TRAPPC12: variants seen among roughly 807,000 people sequenced by gnomAD.
The protein encoded by TRAPPC12 is TPR repeat protein 15.
A neutral mutation model predicts 69.2 loss-of-function variants in TRAPPC12; 61 were observed. The ratio of observed to expected loss-of-function variants is 0.88; its 90% CI spans 0.72 to 1.09. The LOEUF (loss-of-function observed/expected upper bound fraction) is 1.09. TRAPPC12 is among the 50% of genes least tolerant of loss of function. The pLI is 0.00. For missense variants in TRAPPC12, 1,101 were observed against 1,016.4 expected (o/e 1.08, Z -1.13); for synonymous variants, 469 against 438.9 (o/e 1.07, Z -0.86).
intron 1 of TRAPPC12, among the ~76,000 whole-genome samples, chr2:3,381,804 C>G (rs1660223685): frequency 6.6e-6 from 1 of 152,212 alleles, no homozygotes; most frequent in South Asian, 2.1e-4. Context: ...CCATCACCTT[C>G]CACCCCTCCC....
At chr2:3,399,665 A>G (rs1478859876) in intron 2 of TRAPPC12, among the ~76,000 whole-genome samples, 2 of 152,258 alleles carry the variant, frequency 1.3e-5, no homozygotes, top group African/African-American at 4.8e-5. Context: ...CAGAGAAGCA[A>G]TGTCAGCAGC....
chr2:3,466,486 C>A, intron 9 of TRAPPC12: 1 of 436,550 alleles, frequency 2.3e-6, no homozygotes, highest in South Asian at 1.7e-5. Context: ...TAAGTGATAT[C>A]CAGCTACAGG....
chr2:3,450,283 C>T (rs1419919321), intron 6 of TRAPPC12, among the ~76,000 whole-genome samples: 1 of 152,232 alleles, frequency 6.6e-6, no homozygotes, highest in African/African-American at 2.4e-5. Flanking sequence ...ATTCTTAAAT[C>T]GTGCATTCTT....
chr2:3,426,827 G>T (rs1218435394), intron 5 of TRAPPC12, among the ~76,000 whole-genome samples: 1 of 152,242 alleles, frequency 6.6e-6, no homozygotes, highest in African/African-American at 2.4e-5. Flanking sequence ...TCCGCACGTA[G>T]GTGGTTCCCA....
intron 5 of TRAPPC12, among the ~76,000 whole-genome samples, chr2:3,441,866 C>A (rs1223115841): frequency 6.6e-6 from 1 of 152,182 alleles, no homozygotes; most frequent in East Asian, 1.9e-4. Flanking sequence ...CTGCATCCCA[C>A]AAATTTTGAT....
In TRAPPC12 at chr2:3,479,495, G is replaced by A. The variant is rs1666455288; in HGVS notation, c.*34G>A. On this transcript the variant is annotated 3_prime_UTR_variant, in exon 12 of 12. Coordinates refer to ENST00000324266, the MANE Select transcript of TRAPPC12 (RefSeq NM_016030.6). Reference sequence around the variant, plus strand: ...AACACACTACGTCAGAAGGACCCGGGTCTTTGAAACTGTGTCTTGAAGCTA... The same window carrying A: ...AACACACTACGTCAGAAGGACCCGGATCTTTGAAACTGTGTCTTGAAGCTA... 1.2e-6 allele frequency: 2 copies of A among 1,607,414 alleles called. No homozygotes were observed. Among genetic ancestry groups the A allele is most frequent in the African/African-American group, 2.7e-5 (2 of 74,722 alleles).
chr2:3,459,089 T>C (rs1427768954), intron 7 of TRAPPC12, among the ~76,000 whole-genome samples: 1 of 152,226 alleles, frequency 6.6e-6, no homozygotes, highest in Non-Finnish European at 1.5e-5. Flanking sequence ...TTCTAGGTGA[T>C]TGTTATCTCA....
chr2:3,387,574 G>T, intron 1 of TRAPPC12, 46 bp from the exon 2 acceptor site: 1 of 1,408,564 alleles, frequency 7.1e-7, no homozygotes, highest in Non-Finnish European at 9.5e-7. Context: ...CGGTTGAGGT[G>T]AATGAAGATC....
chr2:3,463,499 G>A (rs538027411), intron 8 of TRAPPC12, among the ~76,000 whole-genome samples: 66 of 143,474 alleles, frequency 4.6e-4, no homozygotes, highest in African/African-American at 1.9e-3. Context: ...TCTTTGGGAA[G>A]AGCCATGCCT....
At chr2:3,478,273 A>G (rs375672795) in intron 10 of TRAPPC12, among the ~76,000 whole-genome samples, 1 of 152,250 alleles carries the variant, frequency 6.6e-6, no homozygotes, top group Non-Finnish European at 1.5e-5. Context: ...AAGCGTAAAT[A>G]AAGCAGGTGT....
Position 3,387,600 on chromosome 2 carries a change from C to A in TRAPPC12, c.-4-20C>A. 2 of 1,501,798 alleles carry A rather than the reference C, an allele frequency of 1.3e-6. No homozygotes were observed. The highest frequency in any genetic ancestry group is 1.8e-6 in the Non-Finnish European group (2 of 1,119,568). 93.0% of individuals were successfully genotyped at this position (1,501,798 alleles called of 1,614,324 possible). ...AATGAAGATCACGCTCAGGGGCCTT[C>A]TCTCTGTCTTTGCTTTCAGGGTCAT... is the stretch of plus-strand genomic sequence containing the variant. On this transcript the variant is annotated intron_variant, in intron 1 of 11. Coordinates refer to ENST00000324266, the MANE Select transcript of TRAPPC12 (RefSeq NM_016030.6).
chr2:3,475,361 C>T (rs1438809128), intron 9 of TRAPPC12, among the ~76,000 whole-genome samples: 1 of 152,044 alleles, frequency 6.6e-6, no homozygotes, highest in African/African-American at 2.4e-5. Context: ...GATCCTCCCA[C>T]CTCGGCCTCC....
At chr2:3,400,735 T>A (rs1320243975) in intron 2 of TRAPPC12, among the ~76,000 whole-genome samples, 1 of 152,180 alleles carries the variant, frequency 6.6e-6, no homozygotes, top group Non-Finnish European at 1.5e-5. Flanking sequence ...TTCTCTGCAC[T>A]GTTGGGATGA....
intron 3 of TRAPPC12, among the ~76,000 whole-genome samples, chr2:3,413,531 G>A (rs751563950): frequency 7.7e-4 from 117 of 152,150 alleles, no homozygotes; most frequent in Non-Finnish European, 1.5e-3. Flanking sequence ...TAATGTGTAC[G>A]TGAGTGTGAT....
In TRAPPC12 at chr2:3,468,646, C is replaced by T. The variant is rs1665929568; in HGVS notation, c.1776+2951C>T. ...CCAGGTCTCAGCAAAAGTACGTGTGCTCAGAATTGCCCTTGGAAGCCCCAC... is the reference window on the plus strand; with the variant it reads ...CCAGGTCTCAGCAAAAGTACGTGTGTTCAGAATTGCCCTTGGAAGCCCCAC... On this transcript the variant is annotated intron_variant, in intron 9 of 11. Transcript: ENST00000324266. 2.0e-5 allele frequency among the ~76,000 whole-genome samples: 3 copies of T among 152,156 alleles called. No homozygotes were observed. The South Asian group carries it at 6.2e-4, about 31-fold the overall frequency.
chr2:3,413,756 G>A (rs1558361779), intron 3 of TRAPPC12, among the ~76,000 whole-genome samples: 1 of 152,174 alleles, frequency 6.6e-6, no homozygotes. Context: ...GGATGAGGTG[G>A]TAGATGGGGG....
rs113539219 is a variant in TRAPPC12, at chr2:3,404,928, G to A, written c.1164+3035G>A. The stretch of plus-strand genomic sequence containing the variant: ...GAGTGAGGAGATGAAACCACAAGAA[G>A]ATTAGTCTGGAGAAAGATGGAACAT... On this transcript the variant is annotated intron_variant, in intron 3 of 11. Transcript: ENST00000324266. Among the ~76,000 whole-genome samples the A allele has an allele frequency of 6.5e-4, 99 of 152,152 alleles. 1 individual carries two copies. Among genetic ancestry groups the A allele is most frequent in the African/African-American group, 2.2e-3 (93 of 41,496 alleles).
At chr2:3,424,245 G>T (rs931290855) in intron 4 of TRAPPC12, among the ~76,000 whole-genome samples, 1 of 152,158 alleles carries the variant, frequency 6.6e-6, no homozygotes, top group Non-Finnish European at 1.5e-5. Context: ...TAGAGACAGG[G>T]TCTCGCTATG....
At chr2:3,380,941 C>T (rs961204822) in intron 1 of TRAPPC12, among the ~76,000 whole-genome samples, 14 of 152,190 alleles carry the variant, frequency 9.2e-5, no homozygotes, top group African/African-American at 3.1e-4. Context: ...AGCTAAGACT[C>T]AACACAGTTA....
Sources: allele counts gnomAD v4.1 joint callset (sites outside exome capture counted in the v4.1 genomes callset), GRCh38; gene constraint gnomAD v4.1.1; transcripts MANE v1.5; gene names NCBI Gene and HGNC (gene_info 2026-07-23, HGNC 2026-07-21).